The following SCNM1 variants were observed in gnomAD, a reference collection of about 807,000 sequenced individuals.
SCNM1 encodes the protein sodium channel modifier 1.
Under a neutral mutation model 32.8 loss-of-function variants are expected in SCNM1, and 24 were observed. The observed-to-expected ratio is 0.73, with a 90% CI of 0.53 to 1.03. The LOEUF is 1.03. SCNM1 is among the 50% of genes least tolerant of loss of function. The pLI is 0.00. For synonymous variants in SCNM1, 99 were observed against 103.2 expected, an observed-to-expected ratio of 0.96 and a Z score of 0.25; for missense variants, 274 against 282.3, an observed-to-expected ratio of 0.97 and a Z score of 0.21.
Position 151,167,608 on chromosome 1 carries a change from G to C in SCNM1, c.398+194G>C, listed in dbSNP as rs111868471. ...GCACTTTTGGAGGCTGAGGTGGGTG[G>C]ATCACTTGAGGTCAGGAGTTCAAGA... On this transcript the variant is annotated intron_variant, in intron 5 of 6. Coordinates refer to ENST00000368905, the MANE Select transcript of SCNM1 (RefSeq NM_024041.4). The C allele has an allele frequency of 1.8e-4, 114 of 632,074 alleles. No homozygotes were observed. The African/African-American group carries it at 1.9e-3, about 10-fold the overall frequency. 39.2% of individuals were successfully genotyped at this position (632,074 alleles called of 1,614,324 possible).
chr1:151,166,536 T>G lies in SCNM1; in HGVS notation c.117T>G (p.Asp39Glu). 2 of 1,613,676 alleles carry G rather than the reference T, an allele frequency of 1.2e-6. No individual in the cohort carries two copies. The highest frequency in any genetic ancestry group is 1.7e-6 in the Non-Finnish European group (2 of 1,179,954). ...AGGATGAGGCGCTGATGCTTCGGGA[T>G]GGACGGTAAGAGCAAGGAGTGGCTC... ...IPEDEALMLR[D>E]GRFACAICPH... The change falls in exon 2 of 7, where the codon GAT becomes GAG. Residue 39 changes from aspartate to glutamate, a missense_variant. Coordinates refer to ENST00000368905, the MANE Select transcript of SCNM1 (RefSeq NM_024041.4).
rs1436234914 is a variant in SCNM1 at position 151,166,988 on chromosome 1, G to A, written c.177G>A (p.Leu59=). ...CGGTACTGGACACCCTGGCCATGCT[G>A]ACTGCCCACCGTGCAGGCAAGAAAC... ...HRPVLDTLAM[L]TAHRAGKKHL... The change falls in exon 3 of 7, where the codon CTG becomes CTA. Residue 59 remains leucine, a synonymous_variant. Coordinates refer to ENST00000368905, the MANE Select transcript of SCNM1 (RefSeq NM_024041.4). 2 of 1,614,150 alleles carry A rather than the reference G, an allele frequency of 1.2e-6. No individual in the cohort carries two copies. The highest frequency in any genetic ancestry group is 3.3e-5 in the Admixed American group (2 of 60,008).
At chr1:151,167,984 C>T (rs587597613) in intron 5 of SCNM1, 160 bp from the exon 6 acceptor site, 1 of 810,744 alleles carries the variant, frequency 1.2e-6, no homozygotes, top group African/African-American at 1.7e-5. Context: ...AAATTTTAAG[C>T]TAGCCTTTCC....
chr1:151,167,046 G>A, intron 3 of SCNM1, 24 bp downstream of exon 3: 1 of 1,614,114 alleles, frequency 6.2e-7, no homozygotes. Flanking sequence ...AAGACGGGAT[G>A]GGGAATAAAC....
At chr1:151,168,932 AACTT>A in intron 6 of SCNM1, 50 bp from the exon 7 acceptor site, 1 of 1,606,934 alleles carries the variant, frequency 6.2e-7, no homozygotes, top group South Asian at 1.1e-5. Flanking sequence ...GCTCACCACT[AACTT>A]CTTAATAAGC....
At chr1:151,166,664 G>A in intron 2 of SCNM1, 123 bp downstream of exon 2, 1 of 1,456,284 alleles carries the variant, frequency 6.9e-7, no homozygotes, top group African/African-American at 1.4e-5. Context: ...GAACTCTAGG[G>A]CTCAAGTGAT....
Position 151,166,923 on chromosome 1 carries a change from C to CGG in SCNM1, c.123-11_123-10insGG. 1.2e-6 allele frequency: 2 copies of CGG among 1,613,984 alleles called. No individual in the cohort carries two copies. Among genetic ancestry groups the CGG allele is most frequent in the Non-Finnish European group, 1.7e-6 (2 of 1,180,014 alleles). ...CCTGGACCACTTATCCTCTTCTCTA[C>CGG]CCCTGCTCAGCTTTGCTTGTGCCAT... On this transcript the variant is annotated splice_polypyrimidine_tract_variant and intron_variant, in intron 2 of 6. Transcript: ENST00000368905.
intron 1 of SCNM1, 98 bp from the exon 2 acceptor site, chr1:151,166,373 T>C (rs937952961): frequency 3.8e-6 from 6 of 1,563,382 alleles, no homozygotes; most frequent in Non-Finnish European, 4.3e-6. Context: ...CTCCCCAGGG[T>C]CCTTATTCCA....
intron 1 of SCNM1, 114 bp from the exon 2 acceptor site, chr1:151,166,357 G>A: frequency 1.3e-6 from 2 of 1,545,070 alleles, no homozygotes; most frequent in South Asian, 1.2e-5. Flanking sequence ...GTCTATGATC[G>A]CTGTTCTCCC....
At chr1:151,166,277 GC>G in intron 1 of SCNM1, 74 bp downstream of exon 1, 1 of 1,551,906 alleles carries the variant, frequency 6.4e-7, no homozygotes, top group Admixed American at 2.0e-5. Flanking sequence ...TTGTTTCATT[GC>G]TCTGGCAACA....
At chr1:151,167,256 C>A in intron 4 of SCNM1, 38 bp downstream of exon 4, 1 of 1,614,110 alleles carries the variant, frequency 6.2e-7, no homozygotes, top group East Asian at 2.2e-5. Flanking sequence ...AGGCAAGACC[C>A]TGCTGCACAC....
chr1:151,168,222 T>C lies in SCNM1; in HGVS notation c.477T>C (p.Ser159=), dbSNP rs775058019. Residue 159 remains serine, a synonymous_variant, in exon 6 of 7, where the codon AGT becomes AGC. Coordinates refer to ENST00000368905, the MANE Select transcript of SCNM1 (RefSeq NM_024041.4). ...TCAAACTCCAAAGTGGGAAGATCAG[T>C]AGGGAACCTGAACCTGCGGCTGGCC... The part of the protein sequence containing the change: ...SEVKLQSGKI[S]REPEPAAGPQ... 1.2e-6 allele frequency: 2 copies of C among 1,614,116 alleles called. No homozygotes were observed. The highest frequency in any genetic ancestry group is 1.7e-6 in the Non-Finnish European group (2 of 1,180,018).
chr1:151,166,305 G>A, intron 1 of SCNM1, 102 bp downstream of exon 1: 1 of 1,542,968 alleles, frequency 6.5e-7, no homozygotes, highest in Non-Finnish European at 8.8e-7. Flanking sequence ...GGGTGCAGGA[G>A]AGAACCAGGC....
chr1:151,170,241 T>TAACAA lies in SCNM1; in HGVS notation c.*1167_*1171dup, dbSNP rs1320039948. 8.0e-6 allele frequency: 8 copies of TAACAA among 1,001,876 alleles called. No homozygotes were observed. In the African/African-American group the frequency reaches 1.1e-4, roughly 14 times the overall value. The allele number at this position is 1,001,876 out of a possible 1,614,324, so 62.1% of individuals were successfully genotyped here. A position where few individuals can be genotyped will look rare whatever the true frequency, so the allele number is the denominator to read the frequency against. On this transcript the variant is annotated 3_prime_UTR_variant, in exon 7 of 7. Coordinates refer to ENST00000368905, the MANE Select transcript of SCNM1 (RefSeq NM_024041.4). ...GCCACCTTACAGGCCCATCCCACAT[T>TAACAA]AACAAAACAAAACAAGAAACCACAC...
chr1:151,167,811 GAC>G (rs1683777294), intron 5 of SCNM1: 1 of 275,044 alleles, frequency 3.6e-6, no homozygotes, highest in South Asian at 5.6e-5. Context: ...CAGCCTGGGT[GAC>G]AGAGTGAGAC....
intron 6 of SCNM1, among the ~76,000 whole-genome samples, 157 bp from the exon 7 acceptor site, chr1:151,168,829 G>A (rs1308680722): frequency 3.6e-5 from 5 of 138,550 alleles, no homozygotes; most frequent in African/African-American, 1.4e-4. Flanking sequence ...GTAGAGACAG[G>A]GTTTCACTAT....
Position 151,170,244 on chromosome 1 carries a change from C to G in SCNM1, c.*1159C>G. 1.0e-6 allele frequency: 1 copy of G among 964,736 alleles called. No individual in the cohort carries two copies. The highest frequency in any genetic ancestry group is 1.6e-6 in the Non-Finnish European group (1 of 636,816). The allele number at this position is 964,736 out of a possible 1,614,324, so 59.8% of individuals were successfully genotyped here. ...ACCTTACAGGCCCATCCCACATTAACAAAACAAAACAAGAAACCACACCAC... is the reference window on the plus strand; with the variant it reads ...ACCTTACAGGCCCATCCCACATTAAGAAAACAAAACAAGAAACCACACCAC... On this transcript the variant is annotated 3_prime_UTR_variant, in exon 7 of 7. Coordinates refer to ENST00000368905, the MANE Select transcript of SCNM1 (RefSeq NM_024041.4).
At chr1:151,167,916 C>A in intron 5 of SCNM1, 1 of 444,434 alleles carries the variant, frequency 2.3e-6, no homozygotes, top group South Asian at 5.8e-5. Flanking sequence ...TGTAATTCTA[C>A]TTGAAGAATA....
chr1:151,167,570 G>C (rs587604323), intron 5 of SCNM1, 156 bp downstream of exon 5: 3 of 968,166 alleles, frequency 3.1e-6, no homozygotes, highest in South Asian at 1.4e-5. Context: ...GGTGACTCAC[G>C]CCTGTAATCC....
Sources: gnomAD v4.1 joint callset for allele counts (sites outside exome capture counted in the v4.1 genomes callset) on GRCh38, gnomAD v4.1.1 for gene constraint, MANE v1.5 for transcripts, NCBI Gene and HGNC (gene_info 2026-07-23, HGNC 2026-07-21) for gene names.